CASQ2: variants seen among roughly 807,000 people sequenced by gnomAD.
CASQ2 encodes calsequestrin 2.
CASQ2 carries 49 observed loss-of-function variants against 46.5 expected under a neutral mutation model. That is an observed-to-expected ratio of 1.05 (90% CI 0.84 to 1.34). The LOEUF (loss-of-function observed/expected upper bound fraction) is 1.34, where lower values mean the gene tolerates loss of function less well. Among genes scored for constraint, CASQ2 ranks in the 40% most tolerant of loss-of-function variants. The pLI, the probability that CASQ2 is intolerant of heterozygous loss-of-function variation, is 0.00. For synonymous variants in CASQ2, 174 were observed against 168.5 expected (o/e 1.03, Z -0.25); for missense variants, 486 against 481.3 (o/e 1.01, Z -0.09).
intron 1 of CASQ2, among the ~76,000 whole-genome samples, chr1:115,753,352 G>T (rs1408584583): frequency 6.6e-6 from 1 of 152,168 alleles, no homozygotes; most frequent in African/African-American, 2.4e-5. Context: ...GGAGAGAAAG[G>T]ATCCTGGTGT....
At chr1:115,705,137 C>T in intron 9 of CASQ2, 55 bp downstream of exon 9, 1 of 1,099,556 alleles carries the variant, frequency 9.1e-7, no homozygotes, top group Non-Finnish European at 1.4e-6. Context: ...ATGCTGAACG[C>T]AATCATGAGG....
chr1:115,710,903 C>G (rs908020703), intron 8 of CASQ2, among the ~76,000 whole-genome samples: 1 of 152,128 alleles, frequency 6.6e-6, no homozygotes, highest in Non-Finnish European at 1.5e-5. Flanking sequence ...GGAGGAGAAA[C>G]TGGTGATTAT....
intron 2 of CASQ2, among the ~76,000 whole-genome samples, chr1:115,743,992 A>T (rs1282596372): frequency 2.0e-5 from 3 of 151,758 alleles, no homozygotes. Context: ...CAAAAAAAAA[A>T]AATGAACTGA....
rs1654199242 is a variant in CASQ2, at chr1:115,701,358, C to T, written c.1083G>A (p.Trp361Ter). The T allele has an allele frequency of 6.2e-7, 1 of 1,613,866 alleles. No homozygotes were observed. The highest frequency in any genetic ancestry group is 8.5e-7 in the Non-Finnish European group (1 of 1,179,790). The change falls in exon 11 of 11, where the codon TGG becomes TGA. Residue 361 changes from tryptophan (W) to a stop codon, truncating the protein, a stop_gained. Transcript: ENST00000261448. LOFTEE classifies it high-confidence loss of function. Reference protein sequence around the residue: ...DLPTAEELEDWIEDVLSGKIN... With the variant: ...DLPTAEELED Reference sequence around the variant, plus strand: ...TCTTTCCAGAAAGCACATCCTCAATCCAGTCCTCCAGCTCCTCAGCAGTTG... The same window carrying T: ...TCTTTCCAGAAAGCACATCCTCAATTCAGTCCTCCAGCTCCTCAGCAGTTG...
At chr1:115,753,590 C>G (rs751358056) in intron 1 of CASQ2, among the ~76,000 whole-genome samples, 3 of 152,196 alleles carry the variant, frequency 2.0e-5, no homozygotes, top group Admixed American at 1.3e-4. Context: ...CACACAGAGG[C>G]GAGAGGGGCG....
At chr1:115,753,160 C>T (rs1197661442) in intron 1 of CASQ2, among the ~76,000 whole-genome samples, 1 of 152,120 alleles carries the variant, frequency 6.6e-6, no homozygotes, top group Non-Finnish European at 1.5e-5. Context: ...CCAGCCCAGA[C>T]CCGGAGGTGC....
At chr1:115,727,684 GC>G (rs1647642003) in intron 5 of CASQ2, among the ~76,000 whole-genome samples, 1 of 152,114 alleles carries the variant, frequency 6.6e-6, no homozygotes, top group Non-Finnish European at 1.5e-5. Context: ...GGTTTGTCAG[GC>G]TTTGGGAGCT....
intron 1 of CASQ2, among the ~76,000 whole-genome samples, chr1:115,761,441 AG>A (rs1275727483): frequency 2.8e-4 from 2 of 7,196 alleles, no homozygotes; most frequent in African/African-American, 1.0e-3. Flanking sequence ...AGAAGAAGAA[AG>A]AAGAAGAAGA....
intron 10 of CASQ2, among the ~76,000 whole-genome samples, chr1:115,702,148 C>CT (rs776400484): frequency 2.6e-5 from 4 of 152,136 alleles, no homozygotes; most frequent in Non-Finnish European, 5.9e-5. Flanking sequence ...TCTTGAACTC[C>CT]TGACCTCAGG....
rs56889721 is a variant in CASQ2, at chr1:115,725,557, GAAAAAAAA to G, written c.738-12_738-5del. On this transcript the variant is annotated splice_region_variant and splice_polypyrimidine_tract_variant and intron_variant, in intron 6 of 10. Transcript: ENST00000261448. ...GCGCAGGCGACGTAGAGTGGGTCTG[GAAAAAAAA>G]AAAAAAAAAAAAAAAGAAAGAGCTT... is the stretch of plus-strand genomic sequence containing the variant. The G allele has an allele frequency of 1.1e-3, 1,477 of 1,402,502 alleles. 8 individuals are homozygous for G. In the African/African-American group the frequency reaches 0.022, roughly 21 times the overall value. The allele number at this position is 1,402,502 out of a possible 1,614,324, so 86.9% of individuals were successfully genotyped here.
Position 115,768,441 on chromosome 1 carries a change from A to C in CASQ2, c.101T>G (p.Val34Gly), listed in dbSNP as rs1280686043. Residue 34 changes from valine (V) to glycine (G), a missense_variant, in exon 1 of 11, where the codon GTG becomes GGG. Physicochemically the swap from Val to Gly is moderately radical, Grantham distance 109. Coordinates refer to ENST00000261448, the MANE Select transcript of CASQ2 (RefSeq NM_001232.4). Reference sequence around the variant, plus strand: ...GAAGTTCTTCTCGGAAAGACTTACCACTCGGTCCTTCCCATCATATGTGGG... The same window carrying C: ...GAAGTTCTTCTCGGAAAGACTTACCCCTCGGTCCTTCCCATCATATGTGGG... ...NFPTYDGKDR[V>G]VSLSEKNFKQ... 2 of 1,613,040 alleles carry C rather than the reference A, an allele frequency of 1.2e-6. No individual in the cohort carries two copies. The highest frequency in any genetic ancestry group is 1.7e-6 in the Non-Finnish European group (2 of 1,179,158).
intron 7 of CASQ2, among the ~76,000 whole-genome samples, chr1:115,718,975 T>TGGGCAC (rs1162882545): frequency 6.6e-6 from 1 of 152,124 alleles, no homozygotes; most frequent in African/African-American, 2.4e-5. Flanking sequence ...AGGTATGCTT[T>TGGGCAC]GGGCACCCTG....
intron 4 of CASQ2, among the ~76,000 whole-genome samples, chr1:115,733,787 C>A (rs1647868929): frequency 1.3e-5 from 2 of 152,294 alleles, no homozygotes; most frequent in South Asian, 4.1e-4. Context: ...TTATTCTTAA[C>A]AAGATTAGCT....
chr1:115,720,130 C>A (rs942734762), intron 7 of CASQ2, among the ~76,000 whole-genome samples: 5 of 152,120 alleles, frequency 3.3e-5, no homozygotes, highest in Non-Finnish European at 7.3e-5. Context: ...TCTGTCTGGC[C>A]CCAAAGCCCA....
At chr1:115,751,927 G>T (rs1289462312) in intron 1 of CASQ2, among the ~76,000 whole-genome samples, 4 of 152,096 alleles carry the variant, frequency 2.6e-5, no homozygotes, top group African/African-American at 9.7e-5. Context: ...TAATACAATT[G>T]TCTTCAGCTC....
At chr1:115,741,985 A>G (rs10923340) in intron 2 of CASQ2, among the ~76,000 whole-genome samples, 107,973 of 151,994 alleles carry the variant, frequency 0.71, 42,077 homozygotes, top group Non-Finnish European at 0.87. Flanking sequence ...CCTCTGGCAC[A>G]TGGGCGGGAA....
rs1649213485 is a variant in CASQ2, at chr1:115,768,694, T to A, written c.-153A>T. On this transcript the variant is annotated 5_prime_UTR_variant, in exon 1 of 11. Transcript: ENST00000261448. ...TGGGGCTGAAAAGTGACTCTTCACC[T>A]CCTTGGGTCCAGCCAGCTCTGGAAT... 3 of 648,534 alleles carry A rather than the reference T, an allele frequency of 4.6e-6. No homozygotes were observed. The highest frequency in any genetic ancestry group is 8.3e-6 in the Non-Finnish European group (3 of 363,584). 40.2% of individuals were successfully genotyped at this position (648,534 alleles called of 1,614,324 possible).
chr1:115,704,027 G>C (rs1044912390), intron 9 of CASQ2, among the ~76,000 whole-genome samples: 6 of 152,090 alleles, frequency 3.9e-5, no homozygotes, highest in Non-Finnish European at 8.8e-5. Context: ...TATCAACAAA[G>C]CTGTACTGTA....
At chr1:115,749,529 TC>T (rs1333265330) in intron 1 of CASQ2, among the ~76,000 whole-genome samples, 1 of 152,136 alleles carries the variant, frequency 6.6e-6, no homozygotes, top group African/African-American at 2.4e-5. Flanking sequence ...CTTTCCCACC[TC>T]CTCTTTGGCA....
Sources: gnomAD v4.1 joint callset for allele counts (sites outside exome capture counted in the v4.1 genomes callset) on GRCh38, gnomAD v4.1.1 for gene constraint, MANE v1.5 for transcripts, NCBI Gene and HGNC (gene_info 2026-07-23, HGNC 2026-07-21) for gene names.